Variants in TTI2 observed in about 807,000 individuals in gnomAD.
TTI2 encodes the protein TELO2 interacting protein 2.
A neutral mutation model predicts 44.9 loss-of-function variants in TTI2; 26 were observed. The ratio of observed to expected loss-of-function variants is 0.58; its 90% CI spans 0.42 to 0.80. TTI2 has a LOEUF of 0.80. TTI2 is among the 30% of genes least tolerant of loss of function. The pLI is 0.00. For synonymous variants in TTI2, 254 were observed against 250.9 expected (o/e 1.01, Z -0.12); for missense variants, 582 against 611.6 (o/e 0.95, Z 0.51).
In TTI2 at chr8:33,503,683, G is replaced by C. The variant is rs904747328; in HGVS notation, c.1115+65C>G. On this transcript the variant is annotated intron_variant, in intron 5 of 7. Transcript: ENST00000431156. ...GCTTGAGGCCAGGAGCTCGAGAGCA[G>C]CTCAAGCAACATAGCAAGATCCTGT... 5 of 1,605,782 alleles carry C rather than the reference G, an allele frequency of 3.1e-6. No individual in the cohort carries two copies. In the Admixed American group the frequency reaches 6.7e-5, roughly 21 times the overall value.
intron 6 of TTI2, chr8:33,501,214 A>G (rs897109520): frequency 1.3e-5 from 2 of 152,250 alleles, no homozygotes; most frequent in African/African-American, 2.4e-5. Context: ...TTAACTTACA[A>G]TGTGAAAATA....
rs948823715 is a variant in TTI2 at position 33,510,565 on chromosome 8, C to T, written c.648-633G>A. ...ATAATTTTTATATTTGTAGTAGAGA[C>T]GGGGTTTCACCATGTTGCCCAGGCT... On this transcript the variant is annotated intron_variant, in intron 2 of 7. Coordinates refer to ENST00000431156, the MANE Select transcript of TTI2 (RefSeq NM_001102401.4). Among the ~76,000 whole-genome samples the T allele has an allele frequency of 3.9e-5, 6 of 151,962 alleles. 1 individual carries two copies. The highest frequency in any genetic ancestry group is 1.2e-4 in the African/African-American group (5 of 41,360).
Position 33,499,129 on chromosome 8 carries a change from G to A in TTI2, c.*44C>T, listed in dbSNP as rs757565277. On this transcript the variant is annotated 3_prime_UTR_variant, in exon 8 of 8. Transcript: ENST00000431156. ...TAAATAACTCCATTCATACAAATTG[G>A]GATGGGAAGAAAATCCTTTCCTCTT... 5 of 1,470,422 alleles carry A rather than the reference G, an allele frequency of 3.4e-6. No homozygotes were observed. The highest frequency in any genetic ancestry group is 4.8e-6 in the Non-Finnish European group (5 of 1,049,702). 91.1% of individuals were successfully genotyped at this position (1,470,422 alleles called of 1,614,324 possible).
chr8:33,509,929 T>G lies in TTI2; in HGVS notation c.651A>C (p.Glu217Asp). The G allele has an allele frequency of 6.2e-7, 1 of 1,605,228 alleles. No homozygotes were observed. The highest frequency in any genetic ancestry group is 8.5e-7 in the Non-Finnish European group (1 of 1,177,468). The stretch of plus-strand genomic sequence containing the variant: ...TGATGGCAGGGTTATTCTTCCAGGA[T>G]TCCCTAAGTGAATACATAGAATTAC... Reference protein sequence around the residue: ...LGLLKPDLYKESWKNNPAIKH... With the variant: ...LGLLKPDLYKDSWKNNPAIKH... Residue 217 changes from glutamate to aspartate, a missense_variant, in exon 3 of 8, where the codon GAA (glutamate) becomes GAC (aspartate). Glu to Asp is a conservative substitution (Grantham distance 45). Coordinates refer to ENST00000431156, the MANE Select transcript of TTI2 (RefSeq NM_001102401.4).
At position 33,512,396 on chromosome 8, in the gene TTI2, G is replaced by A. The variant is rs1166931042; in HGVS notation, c.218C>T (p.Ala73Val). ...EFDRLFEGTG[A>V]RLRGMPETLG... ...TGTCTCCGGCATTCCGCGGAGCCGT[G>A]CACCAGTCCCCTCAAATAACCTATC... The change falls in exon 2 of 8, where the codon GCA becomes GTA. Residue 73 changes from alanine to valine, a missense_variant. Physicochemically the swap from Ala to Val is moderately conservative, Grantham distance 64. Transcript: ENST00000431156. The A allele has an allele frequency of 2.5e-6, 4 of 1,613,966 alleles. No individual in the cohort carries two copies. Among genetic ancestry groups the A allele is most frequent in the South Asian group, 1.1e-5 (1 of 91,084 alleles).
At chr8:33,511,187 C>T (rs552838722) in intron 2 of TTI2, among the ~76,000 whole-genome samples, 8 of 152,146 alleles carry the variant, frequency 5.3e-5, no homozygotes, top group African/African-American at 1.7e-4. Context: ...GGATTACAGG[C>T]GTCCACCACC....
intron 4 of TTI2, among the ~76,000 whole-genome samples, chr8:33,505,955 T>C (rs1809278253): frequency 1.3e-5 from 2 of 152,268 alleles, no homozygotes; most frequent in African/African-American, 4.8e-5. Context: ...GCCCAGCAAT[T>C]TTGCATTTTT....
At chr8:33,511,289 C>T (rs1585334354) in intron 2 of TTI2, among the ~76,000 whole-genome samples, 1 of 151,836 alleles carries the variant, frequency 6.6e-6, no homozygotes, top group African/African-American at 2.4e-5. Context: ...GTGATCCACC[C>T]GCCTCGGCCT....
chr8:33,512,657 G>A lies in TTI2; in HGVS notation c.-44C>T. On this transcript the variant is annotated 5_prime_UTR_variant, in exon 2 of 8. Transcript: ENST00000431156. ...AAGGCTGGTCTCTCCCACAGAACGAGGATGGAGGCGGGGAGGGATCCGTTG... is the reference window on the plus strand; with the variant it reads ...AAGGCTGGTCTCTCCCACAGAACGAAGATGGAGGCGGGGAGGGATCCGTTG... 6.2e-7 allele frequency: 1 copy of A among 1,603,886 alleles called. No homozygotes were observed. Among genetic ancestry groups the A allele is most frequent in the Non-Finnish European group, 8.5e-7 (1 of 1,177,988 alleles).
Position 33,499,114 on chromosome 8 carries a change from C to G in TTI2, c.*59G>C, listed in dbSNP as rs375758308. ...AATATCTTTTTTTCTTAAATAACTC[C>G]ATTCATACAAATTGGGATGGGAAGA... On this transcript the variant is annotated 3_prime_UTR_variant, in exon 8 of 8. Transcript: ENST00000431156. 5.8e-5 allele frequency: 78 copies of G among 1,335,590 alleles called. No individual in the cohort carries two copies. In the South Asian group the frequency reaches 6.5e-4, roughly 11 times the overall value. 82.7% of individuals were successfully genotyped at this position (1,335,590 alleles called of 1,614,324 possible). A position where few individuals can be genotyped will look rare whatever the true frequency, so the allele number is the denominator to read the frequency against.
At position 33,502,419 on chromosome 8, in the gene TTI2, T is replaced by A. The variant is rs372600809; in HGVS notation, c.1259+1010A>T. Among the ~76,000 whole-genome samples, 6 of 152,310 alleles carry A rather than the reference T, an allele frequency of 3.9e-5. No individual in the cohort carries two copies. The South Asian group carries it at 1.0e-3, about 26-fold the overall frequency. On this transcript the variant is annotated intron_variant, in intron 6 of 7. Coordinates refer to ENST00000431156, the MANE Select transcript of TTI2 (RefSeq NM_001102401.4). Reference sequence around the variant, plus strand: ...TATGCATTCTAAATCTAGAGAGAGGTACAACCTGTATGGTTTCCCAACCTA... The same window carrying A: ...TATGCATTCTAAATCTAGAGAGAGGAACAACCTGTATGGTTTCCCAACCTA...
chr8:33,498,842 A>G lies in TTI2; in HGVS notation c.*331T>C, dbSNP rs970608098. 2 of 601,564 alleles carry G rather than the reference A, an allele frequency of 3.3e-6. No individual in the cohort carries two copies. Among genetic ancestry groups the G allele is most frequent in the Non-Finnish European group, 2.9e-6 (1 of 343,578 alleles). 37.3% of individuals were successfully genotyped at this position (601,564 alleles called of 1,614,324 possible). A position where few individuals can be genotyped will look rare whatever the true frequency, so the allele number is the denominator to read the frequency against. On this transcript the variant is annotated 3_prime_UTR_variant, in exon 8 of 8. Transcript: ENST00000431156. ...GTGAACAAGAGTGTTTTTATAGCAT[A>G]TGTGTTGAAGTAACAGCTTGTGCCC...
At chr8:33,507,083 A>G in intron 4 of TTI2, 146 bp downstream of exon 4, 1 of 712,168 alleles carries the variant, frequency 1.4e-6, no homozygotes, top group Non-Finnish European at 2.5e-6. Context: ...TGGTGCTGAG[A>G]TATTTTTAAC....
In TTI2 at chr8:33,499,365, T is replaced by C. The variant is rs565658884; in HGVS notation, c.1423-88A>G. 247 of 960,494 alleles carry C rather than the reference T, an allele frequency of 2.6e-4. No individual in the cohort carries two copies. In the South Asian group the frequency reaches 3.2e-3, roughly 13 times the overall value. The allele number at this position is 960,494 out of a possible 1,614,324, so 59.5% of individuals were successfully genotyped here. On this transcript the variant is annotated intron_variant, in intron 7 of 7. Transcript: ENST00000431156. ...TTGATTCTTCTTCCTTGGTATCATATTCAAAGGAGGAAAGAATGGATGACA... is the reference window on the plus strand; with the variant it reads ...TTGATTCTTCTTCCTTGGTATCATACTCAAAGGAGGAAAGAATGGATGACA...
chr8:33,499,218 T>C lies in TTI2; in HGVS notation c.1482A>G (p.Arg494=), dbSNP rs1412617554. Residue 494 remains arginine, a synonymous_variant, in exon 8 of 8, where the codon AGA becomes AGG. Coordinates refer to ENST00000431156, the MANE Select transcript of TTI2 (RefSeq NM_001102401.4). Reference sequence around the variant, plus strand: ...CGCCTTCAGAAACCTGCTGCACTTTTCTGATATAGTTCACCACTTTTCTGT... The same window carrying C: ...CGCCTTCAGAAACCTGCTGCACTTTCCTGATATAGTTCACCACTTTTCTGT... The part of the protein sequence containing the change: ...CEDRKVVNYI[R]KVQQVSEGAP... 4 of 1,614,166 alleles carry C rather than the reference T, an allele frequency of 2.5e-6. No individual in the cohort carries two copies. In the South Asian group the frequency reaches 3.3e-5, roughly 13 times the overall value.
At chr8:33,503,959 G>A (rs376789314) in intron 4 of TTI2, 24 bp from the exon 5 acceptor site, 24 of 1,610,572 alleles carry the variant, frequency 1.5e-5, no homozygotes, top group Admixed American at 1.0e-4. Context: ...ATGGAAGGAC[G>A]GTGCATAGTT....
intron 4 of TTI2, among the ~76,000 whole-genome samples, chr8:33,506,389 CTTTTT>C (rs10542848): frequency 3.7e-5 from 4 of 106,914 alleles, no homozygotes; most frequent in African/African-American, 3.3e-5. Context: ...AAGTAACGTA[CTTTTT>C]TTTTTTTTTT....
At position 33,512,174 on chromosome 8, in the gene TTI2, G is replaced by T; in HGVS notation, c.440C>A (p.Ala147Glu). ...PAWQTGLHHL[A>E]GPVYIFAITH... ...GATGGCAAAAATATAAACGGGTCCT[G>T]CCAAGTGATGCAGGCCCGTCTGCCA... Residue 147 changes from alanine (A) to glutamate (E), a missense_variant, in exon 2 of 8, where the codon GCA (alanine) becomes GAA (glutamate). By Grantham distance (107) the Ala-to-Glu change is moderately radical. Transcript: ENST00000431156. 6.2e-7 allele frequency: 1 copy of T among 1,614,184 alleles called. No homozygotes were observed. Among genetic ancestry groups the T allele is most frequent in the Non-Finnish European group, 8.5e-7 (1 of 1,180,030 alleles).
chr8:33,503,685 T>A, intron 5 of TTI2, 63 bp downstream of exon 5: 1 of 1,609,826 alleles, frequency 6.2e-7, no homozygotes, highest in African/African-American at 1.3e-5. Flanking sequence ...CGAGAGCAGC[T>A]CAAGCAACAT....
Sources: gnomAD v4.1 joint callset for allele counts (sites outside exome capture counted in the v4.1 genomes callset) on GRCh38, gnomAD v4.1.1 for gene constraint, MANE v1.5 for transcripts, NCBI Gene and HGNC (gene_info 2026-07-23, HGNC 2026-07-21) for gene names.